Variants in TDRD3 observed in about 807,000 individuals in gnomAD.
TDRD3 encodes the protein tudor domain-containing protein 3.
In TDRD3, 45 loss-of-function variants were observed where a neutral mutation model predicts 86.7. The observed-to-expected ratio is 0.52, with a 90% CI of 0.41 to 0.67. The LOEUF is 0.67. TDRD3 is among the 30% of genes least tolerant of loss of function. The pLI is 0.00. For synonymous variants in TDRD3, 298 were observed against 301.7 expected, an observed-to-expected ratio of 0.99 and a Z score of 0.13; for missense variants, 814 against 889.0, an observed-to-expected ratio of 0.92 and a Z score of 1.07.
At chr13:60,468,879 A>T (rs1317310797) in intron 5 of TDRD3, among the ~76,000 whole-genome samples, 2 of 152,198 alleles carry the variant, frequency 1.3e-5, no homozygotes, top group Non-Finnish European at 2.9e-5. Flanking sequence ...CCTCGAGCTG[A>T]AATGTATTCT....
At chr13:60,450,834 A>G (rs1234214995) in intron 3 of TDRD3, among the ~76,000 whole-genome samples, 1 of 152,096 alleles carries the variant, frequency 6.6e-6, no homozygotes, top group Non-Finnish European at 1.5e-5. Context: ...TGAGGGTATT[A>G]GGTTGCTTTT....
chr13:60,506,157 A>G (rs1168856745), intron 8 of TDRD3, among the ~76,000 whole-genome samples: 2 of 152,196 alleles, frequency 1.3e-5, no homozygotes, highest in African/African-American at 4.8e-5. Context: ...CCTCAAAGGG[A>G]AACCCATCAG....
intron 5 of TDRD3, among the ~76,000 whole-genome samples, chr13:60,478,801 CTTTT>C (rs202146264): frequency 9.6e-6 from 1 of 104,442 alleles, no homozygotes. Context: ...AATTTGAGGA[CTTTT>C]TTTTTTTTTT....
chr13:60,549,213 A>G (rs1957993930), intron 12 of TDRD3, among the ~76,000 whole-genome samples: 1 of 152,152 alleles, frequency 6.6e-6, no homozygotes, highest in Admixed American at 6.5e-5. Context: ...TTTACTTTTA[A>G]AAAGTAAAAG....
At chr13:60,440,438 G>A (rs966688049) in intron 2 of TDRD3, among the ~76,000 whole-genome samples, 2 of 151,926 alleles carry the variant, frequency 1.3e-5, no homozygotes, top group South Asian at 2.1e-4. Flanking sequence ...ATCCAAGCAC[G>A]TTGGGAGGCC....
intron 3 of TDRD3, among the ~76,000 whole-genome samples, chr13:60,453,473 C>G (rs907244373): frequency 6.8e-6 from 1 of 146,274 alleles, no homozygotes; most frequent in African/African-American, 2.4e-5. Flanking sequence ...CTAATTTTCT[C>G]TAGCAACACT....
At chr13:60,435,359 C>T (rs1158050966) in intron 1 of TDRD3, among the ~76,000 whole-genome samples, 1 of 152,014 alleles carries the variant, frequency 6.6e-6, no homozygotes, top group Non-Finnish European at 1.5e-5. Context: ...GATTTTAGTG[C>T]ACCCATCACT....
chr13:60,433,610 C>T (rs1431231064), intron 1 of TDRD3, among the ~76,000 whole-genome samples: 1 of 152,164 alleles, frequency 6.6e-6, no homozygotes, highest in Admixed American at 6.5e-5. Context: ...TGAACAGGAG[C>T]AAATAATTTA....
At chr13:60,511,098 C>T (rs925863882) in intron 10 of TDRD3, among the ~76,000 whole-genome samples, 1 of 152,030 alleles carries the variant, frequency 6.6e-6, no homozygotes, top group Non-Finnish European at 1.5e-5. Flanking sequence ...TGATATATCT[C>T]TTCTTTCTCC....
chr13:60,544,002 A>G (rs1957876910), intron 12 of TDRD3, among the ~76,000 whole-genome samples: 1 of 150,470 alleles, frequency 6.6e-6, no homozygotes, highest in Non-Finnish European at 1.5e-5. Context: ...TATAACCTAC[A>G]TGAAGTTTAT....
Position 60,485,958 on chromosome 13 carries a change from C to G in TDRD3, c.717+10C>G. Reference sequence around the variant, plus strand: ...TGCAAAGAGCAAGGAAGTAAGAAATCAAATCATTACACGTTTTATTTCTTA... The same window carrying G: ...TGCAAAGAGCAAGGAAGTAAGAAATGAAATCATTACACGTTTTATTTCTTA... On this transcript the variant is annotated intron_variant, in intron 7 of 13. Coordinates refer to ENST00000377881, the MANE Select transcript of TDRD3 (RefSeq NM_001146070.2). The G allele has an allele frequency of 6.3e-7, 1 of 1,591,846 alleles. No homozygotes were observed. The highest frequency in any genetic ancestry group is 8.5e-7 in the Non-Finnish European group (1 of 1,171,538).
At chr13:60,489,410 T>C (rs1956527603) in intron 7 of TDRD3, among the ~76,000 whole-genome samples, 1 of 152,226 alleles carries the variant, frequency 6.6e-6, no homozygotes, top group Non-Finnish European at 1.5e-5. Context: ...AGTAGTGTTC[T>C]TGAATTTTGG....
rs1953944416 is a variant in TDRD3, at chr13:60,397,298, C to T, written c.-67C>T. The stretch of plus-strand genomic sequence containing the variant: ...TTTTTTTTTTTTTAAGGGGGGGGGT[C>T]TCAAGTAGGAGGCCTCCCCATCACC... On this transcript the variant is annotated 5_prime_UTR_variant, in exon 1 of 14. Transcript: ENST00000377881. 4.2e-6 allele frequency: 3 copies of T among 713,430 alleles called. No individual in the cohort carries two copies. Among genetic ancestry groups the T allele is most frequent in the Admixed American group, 7.6e-5 (2 of 26,366 alleles). 44.2% of individuals were successfully genotyped at this position (713,430 alleles called of 1,614,324 possible). A position where few individuals can be genotyped will look rare whatever the true frequency, so the allele number is the denominator to read the frequency against.
chr13:60,545,597 T>TA (rs1957921289), intron 12 of TDRD3, among the ~76,000 whole-genome samples: 1 of 152,102 alleles, frequency 6.6e-6, no homozygotes, highest in African/African-American at 2.4e-5. Flanking sequence ...GTGACCATCT[T>TA]ATCTTGAAAA....
chr13:60,572,930 A>G (rs1958618669), intron 13 of TDRD3, among the ~76,000 whole-genome samples: 1 of 152,098 alleles, frequency 6.6e-6, no homozygotes, highest in Non-Finnish European at 1.5e-5. Flanking sequence ...TGAGGATTAT[A>G]GTACCCGACG....
At chr13:60,433,639 A>T (rs913884272) in intron 1 of TDRD3, among the ~76,000 whole-genome samples, 1 of 152,210 alleles carries the variant, frequency 6.6e-6, no homozygotes, top group Non-Finnish European at 1.5e-5. Flanking sequence ...AATGTGTTTA[A>T]TAAGTACAAA....
At chr13:60,512,129 CACA>C (rs1957073030) in intron 10 of TDRD3, among the ~76,000 whole-genome samples, 6 of 152,118 alleles carry the variant, frequency 3.9e-5, no homozygotes, top group Admixed American at 3.9e-4. Flanking sequence ...GGGGAAGCCT[CACA>C]ATCACGGTGG....
Position 60,536,405 on chromosome 13 carries a change from A to G in TDRD3, c.2118+1172A>G, listed in dbSNP as rs184561963. 1.1e-4 allele frequency: 17 copies of G among 152,188 alleles called. No individual in the cohort carries two copies. The East Asian group carries it at 3.3e-3, about 29-fold the overall frequency. The allele number at this position is 152,188 out of a possible 1,614,324, so 9.4% of individuals were successfully genotyped here. On this transcript the variant is annotated intron_variant, in intron 12 of 13. Coordinates refer to ENST00000377881, the MANE Select transcript of TDRD3 (RefSeq NM_001146070.2). ...ATTGCTCTTTGCCTAAAAACTCCAA[A>G]TCATCAATATCTAATTTACATCTTT...
At chr13:60,416,298 C>G (rs189912527) in intron 1 of TDRD3, among the ~76,000 whole-genome samples, 4 of 150,778 alleles carry the variant, frequency 2.7e-5, no homozygotes, top group Non-Finnish European at 5.9e-5. Flanking sequence ...TTTTTTTTAA[C>G]TAAGGAAGTT....
Sources: gnomAD v4.1 joint callset for allele counts (sites outside exome capture counted in the v4.1 genomes callset) on GRCh38, gnomAD v4.1.1 for gene constraint, MANE v1.5 for transcripts, NCBI Gene and HGNC (gene_info 2026-07-23, HGNC 2026-07-21) for gene names.